Variants in ALX4 observed in about 807,000 individuals in gnomAD.
The protein encoded by ALX4 is homeobox protein aristaless-like 4.
Under a neutral mutation model 40.6 loss-of-function variants are expected in ALX4, and 22 were observed. The observed-to-expected ratio is 0.54, with a 90% CI of 0.39 to 0.77. The LOEUF is 0.77. Among genes scored for constraint, ALX4 ranks in the 30% least tolerant of loss-of-function variants. The probability of loss-of-function intolerance (pLI) is 0.00; values close to 1 mark genes in which losing one functional copy is unlikely to be tolerated. For missense variants in ALX4, 556 were observed against 564.8 expected (o/e 0.98, Z 0.16); for synonymous variants, 266 against 240.5 (o/e 1.11, Z -0.98).
At chr11:44,293,533 G>A (rs1300058899) in intron 1 of ALX4, among the ~76,000 whole-genome samples, 1 of 152,250 alleles carries the variant, frequency 6.6e-6, no homozygotes, top group Non-Finnish European at 1.5e-5. Context: ...CTTCTTGGCA[G>A]GATGGATCCC....
intron 2 of ALX4, among the ~76,000 whole-genome samples, chr11:44,270,683 G>A (rs1020286331): frequency 3.3e-5 from 5 of 152,042 alleles, no homozygotes; most frequent in Non-Finnish European, 7.4e-5. Flanking sequence ...GCTCTGCACC[G>A]CAGGCCTGTC....
chr11:44,265,610 A>G (rs1446632166), intron 3 of ALX4, among the ~76,000 whole-genome samples: 1 of 152,120 alleles, frequency 6.6e-6, no homozygotes, highest in Non-Finnish European at 1.5e-5. Flanking sequence ...CTCAACTCGG[A>G]GAGCTTTGGC....
intron 2 of ALX4, among the ~76,000 whole-genome samples, chr11:44,268,315 G>A (rs1454756804): frequency 1.3e-5 from 2 of 152,212 alleles, no homozygotes; most frequent in Non-Finnish European, 2.9e-5. Context: ...AACCTAAAGA[G>A]GTCAATTTGA....
Position 44,297,808 on chromosome 11 carries a change from C to T in ALX4, c.466+11789G>A, listed in dbSNP as rs189723860. ...GCCCACCTCACCGGCATGCATCATG[C>T]CCCTGCACTCCACACACTTGCTTCA... On this transcript the variant is annotated intron_variant, in intron 1 of 3. Coordinates refer to ENST00000652299, the MANE Select transcript of ALX4 (RefSeq NM_021926.4). Among the ~76,000 whole-genome samples the T allele has an allele frequency of 3.1e-3, 470 of 152,324 alleles. 1 individual carries two copies. Among genetic ancestry groups the T allele is most frequent in the Non-Finnish European group, 4.9e-3 (335 of 68,024 alleles).
At position 44,267,450 on chromosome 11, in the gene ALX4, C is replaced by T. The variant is rs148470049; in HGVS notation, c.906+44G>A. The T allele has an allele frequency of 4.4e-4, 703 of 1,610,750 alleles. 3 individuals carry two copies. In the African/African-American group the frequency reaches 8.7e-3, roughly 20 times the overall value. On this transcript the variant is annotated intron_variant, in intron 3 of 3. Coordinates refer to ENST00000652299, the MANE Select transcript of ALX4 (RefSeq NM_021926.4). The stretch of plus-strand genomic sequence containing the variant: ...CTCCAAGGGGCTCATTCTCAGAGCA[C>T]CAGGGGCTGGGGATCGGTGGCGGCA...
intron 2 of ALX4, among the ~76,000 whole-genome samples, chr11:44,274,557 G>A (rs896348271): frequency 6.6e-6 from 1 of 152,062 alleles, no homozygotes; most frequent in Non-Finnish European, 1.5e-5. Context: ...GTGTTGGAAT[G>A]GGTTGAGTTG....
intron 1 of ALX4, among the ~76,000 whole-genome samples, chr11:44,306,409 G>T (rs906855930): frequency 1.3e-5 from 2 of 152,254 alleles, no homozygotes; most frequent in Non-Finnish European, 2.9e-5. Flanking sequence ...GCTGCCCGGG[G>T]CACCTTCCTT....
chr11:44,262,668 G>A lies in ALX4; in HGVS notation c.*2186C>T, dbSNP rs764716559. Reference sequence around the variant, plus strand: ...CTTGCTCTCCCTCCTGGCCCACTCTGGAGCTACCTGGCTCTCCTCCTCTTT... The same window carrying A: ...CTTGCTCTCCCTCCTGGCCCACTCTAGAGCTACCTGGCTCTCCTCCTCTTT... On this transcript the variant is annotated 3_prime_UTR_variant, in exon 4 of 4. Transcript: ENST00000652299. The A allele has an allele frequency of 6.6e-6, 1 of 152,430 alleles. No individual in the cohort carries two copies. The highest frequency in any genetic ancestry group is 1.5e-5 in the Non-Finnish European group (1 of 68,250). The allele number at this position is 152,430 out of a possible 1,614,324, so 9.4% of individuals were successfully genotyped here. A position where few individuals can be genotyped will look rare whatever the true frequency, so the allele number is the denominator to read the frequency against.
intron 1 of ALX4, among the ~76,000 whole-genome samples, chr11:44,285,298 G>A (rs980807047): frequency 1.3e-5 from 2 of 152,124 alleles, no homozygotes; most frequent in Admixed American, 6.5e-5. Flanking sequence ...ACCATATTCC[G>A]TACCCCTTTC....
At chr11:44,294,879 C>T (rs1008992512) in intron 1 of ALX4, among the ~76,000 whole-genome samples, 13 of 151,710 alleles carry the variant, frequency 8.6e-5, no homozygotes, top group African/African-American at 2.4e-4. Context: ...GACAGAGTTT[C>T]GCTCTTCTTG....
At position 44,289,183 on chromosome 11, in the gene ALX4, G is replaced by A. The variant is rs76760834; in HGVS notation, c.467-13525C>T. ...AAAGGTCGGAGAAGGCCTCTGCAAT[G>A]GAGTGGCTCTTGAATTGGGTATTGC... On this transcript the variant is annotated intron_variant, in intron 1 of 3. Transcript: ENST00000652299. 1.8e-4 allele frequency among the ~76,000 whole-genome samples: 28 copies of A among 152,320 alleles called. No homozygotes were observed. In the East Asian group the frequency reaches 5.4e-3, roughly 29 times the overall value.
intron 1 of ALX4, among the ~76,000 whole-genome samples, chr11:44,307,182 G>A (rs1246478539): frequency 6.6e-6 from 1 of 152,136 alleles, no homozygotes; most frequent in Non-Finnish European, 1.5e-5. Flanking sequence ...GGAGGGGCAG[G>A]GGTAGCGGGG....
intron 1 of ALX4, among the ~76,000 whole-genome samples, chr11:44,305,629 C>T (rs1956462014): frequency 6.6e-6 from 1 of 152,218 alleles, no homozygotes; most frequent in Admixed American, 6.5e-5. Flanking sequence ...TTTCGTGGTG[C>T]ATGGATTGTG....
Position 44,309,835 on chromosome 11 carries a change from G to A in ALX4, c.228C>T (p.Pro76=), listed in dbSNP as rs1013372057. ...YGAGQQDLAT[P]LESGAGARGS... is the part of the protein sequence containing the mutation. Reference sequence around the variant, plus strand: ...CCCGCGCCCCAGCTCCACTCTCCAGGGGTGTCGCCAGGTCCTGCTGCCCAG... The same window carrying A: ...CCCGCGCCCCAGCTCCACTCTCCAGAGGTGTCGCCAGGTCCTGCTGCCCAG... Residue 76 remains proline, a synonymous_variant, in exon 1 of 4, where the codon CCC becomes CCT. Transcript: ENST00000652299. 3.9e-6 allele frequency: 6 copies of A among 1,555,338 alleles called. No homozygotes were observed. The highest frequency in any genetic ancestry group is 1.9e-5 in the Admixed American group (1 of 51,758).
At chr11:44,267,371 T>G in intron 3 of ALX4, 123 bp downstream of exon 3, 10 of 1,321,764 alleles carry the variant, frequency 7.6e-6, no homozygotes, top group Non-Finnish European at 9.4e-6. Flanking sequence ...ACCCCTGGAA[T>G]GAGACGGAAG....
rs1269577732 is a variant in ALX4 at position 44,261,893 on chromosome 11, C to T, written c.*2961G>A. ...CTTCATGAGCTTTAGCTCCAGATGG[C>T]CTTGGGCAGCTGCCCTGACTTGCTC... On this transcript the variant is annotated 3_prime_UTR_variant, in exon 4 of 4. Coordinates refer to ENST00000652299, the MANE Select transcript of ALX4 (RefSeq NM_021926.4). 6.6e-6 allele frequency: 1 copy of T among 152,300 alleles called. No individual in the cohort carries two copies. Among genetic ancestry groups the T allele is most frequent in the Non-Finnish European group, 1.5e-5 (1 of 68,072 alleles). 9.4% of individuals were successfully genotyped at this position (152,300 alleles called of 1,614,324 possible). A position where few individuals can be genotyped will look rare whatever the true frequency, so the allele number is the denominator to read the frequency against.
intron 1 of ALX4, 70 bp downstream of exon 1, chr11:44,309,527 C>A: frequency 6.6e-7 from 1 of 1,526,346 alleles, no homozygotes; most frequent in Non-Finnish European, 8.8e-7. Flanking sequence ...CGCAAGCCAC[C>A]AGTTTCAAGG....
At chr11:44,294,021 G>A (rs539269511) in intron 1 of ALX4, among the ~76,000 whole-genome samples, 10 of 152,280 alleles carry the variant, frequency 6.6e-5, no homozygotes, top group East Asian at 5.8e-4. Context: ...CCCCTCCACC[G>A]TCTACAGAGC....
At chr11:44,275,288 C>A (rs1383284752) in intron 2 of ALX4, 60 bp downstream of exon 2, 5 of 1,583,304 alleles carry the variant, frequency 3.2e-6, no homozygotes, top group Non-Finnish European at 4.3e-6. Context: ...CCAACTGCAG[C>A]CAAGAGCCCA....
Sources: allele counts gnomAD v4.1 joint callset (sites outside exome capture counted in the v4.1 genomes callset), GRCh38; gene constraint gnomAD v4.1.1; transcripts MANE v1.5; gene names NCBI Gene and HGNC (gene_info 2026-07-23, HGNC 2026-07-21).